Variants in KSR1 observed in about 807,000 individuals in gnomAD.
The protein encoded by KSR1 is kinase suppressor of ras.
In KSR1, 35 loss-of-function variants were observed where a neutral mutation model predicts 92.9. The observed-to-expected ratio is 0.38, with a 90% CI of 0.29 to 0.50. The LOEUF is 0.50. KSR1 is among the 20% of genes least tolerant of loss of function. The pLI, the probability that KSR1 is intolerant of heterozygous loss-of-function variation, is 0.94. For synonymous variants in KSR1, 467 were observed against 472.6 expected, an observed-to-expected ratio of 0.99 and a Z score of 0.15; for missense variants, 972 against 1,158.5, an observed-to-expected ratio of 0.84 and a Z score of 2.34.
At chr17:27,467,968 T>C (rs1486378933) in intron 1 of KSR1, among the ~76,000 whole-genome samples, 1 of 151,988 alleles carries the variant, frequency 6.6e-6, no homozygotes, top group Non-Finnish European at 1.5e-5. Context: ...CCTGCCATTA[T>C]GCCCGGCTAA....
chr17:27,469,626 T>C (rs1370249090), intron 1 of KSR1, among the ~76,000 whole-genome samples: 2 of 152,204 alleles, frequency 1.3e-5, no homozygotes, highest in Non-Finnish European at 2.9e-5. Flanking sequence ...TTTTGGATTC[T>C]TTTGAGAACC....
Position 27,577,371 on chromosome 17 carries a change from C to A in KSR1, c.373-121C>A. ...TCCCCAAGCACGTGGTGGCTCTGGT[C>A]AGAGGCCGGCCCAGCCAGCAGCTGG... is the stretch of plus-strand genomic sequence containing the variant. On this transcript the variant is annotated intron_variant, in intron 2 of 20. Coordinates refer to ENST00000644974, the MANE Select transcript of KSR1 (RefSeq NM_001394583.1). The surrounding 1 kb of genome is among the most constrained non-coding windows in gnomAD (Gnocchi z 4.5). 1.6e-6 allele frequency: 1 copy of A among 637,572 alleles called. No homozygotes were observed. The highest frequency in any genetic ancestry group is 1.9e-5 in the South Asian group (1 of 53,196). 39.5% of individuals were successfully genotyped at this position (637,572 alleles called of 1,614,324 possible).
chr17:27,485,256 G>T (rs1376889378), intron 1 of KSR1, among the ~76,000 whole-genome samples: 1 of 152,214 alleles, frequency 6.6e-6, no homozygotes, highest in African/African-American at 2.4e-5. Flanking sequence ...GGGCTGATGG[G>T]TCACCAGGAC....
chr17:27,500,925 C>G (rs531352864), intron 1 of KSR1, among the ~76,000 whole-genome samples: 1 of 152,290 alleles, frequency 6.6e-6, no homozygotes, highest in East Asian at 1.9e-4. Flanking sequence ...ATGTGAAGCT[C>G]CAGGATGCAG....
intron 5 of KSR1, among the ~76,000 whole-genome samples, chr17:27,588,015 A>G (rs1249461718): frequency 3.9e-5 from 6 of 152,168 alleles, no homozygotes. Flanking sequence ...AAGGCACTGG[A>G]TGGGCTGGCT....
intron 11 of KSR1, chr17:27,602,048 A>C (rs1231836561): frequency 2.4e-6 from 2 of 832,302 alleles, no homozygotes; most frequent in Non-Finnish European, 3.9e-6. Context: ...AAAGTGCTTG[A>C]GATCAGTGCT....
At position 27,605,655 on chromosome 17, in the gene KSR1, C is replaced by G; in HGVS notation, c.1836C>G (p.Gly612=). 6.2e-7 allele frequency: 1 copy of G among 1,612,012 alleles called. No homozygotes were observed. The highest frequency in any genetic ancestry group is 8.5e-7 in the Non-Finnish European group (1 of 1,179,628). ...GGGTGCACCGCGGCCGCTGGCATGGCGAGGTGGCCATTCGCCTGCTGGAGA... is the reference window on the plus strand; with the variant it reads ...GGGTGCACCGCGGCCGCTGGCATGGGGAGGTGGCCATTCGCCTGCTGGAGA... ...WGRVHRGRWH[G]EVAIRLLEMD... Residue 612 remains glycine (G), a synonymous_variant, in exon 14 of 21, where the codon GGC becomes GGG. Transcript: ENST00000644974.
At chr17:27,602,648 T>G (rs1226556450) in intron 11 of KSR1, among the ~76,000 whole-genome samples, 1 of 152,134 alleles carries the variant, frequency 6.6e-6, no homozygotes, top group East Asian at 1.9e-4. Flanking sequence ...CCCTCATGCT[T>G]TAGGTGTGTG....
chr17:27,524,696 A>G (rs1447628231), intron 1 of KSR1, among the ~76,000 whole-genome samples: 1 of 152,244 alleles, frequency 6.6e-6, no homozygotes, highest in Non-Finnish European at 1.5e-5. Flanking sequence ...AGCCAGAGGA[A>G]GTAGGTCAAA....
At chr17:27,583,953 T>C (rs953538215) in intron 4 of KSR1, 6 of 983,976 alleles carry the variant, frequency 6.1e-6, no homozygotes, top group Non-Finnish European at 6.0e-6. Flanking sequence ...AGCAGTTTTG[T>C]GTATGTCTAT....
rs773059086 is a variant in KSR1, at chr17:27,577,040, GT to G, written c.373-445del. 2.0e-5 allele frequency among the ~76,000 whole-genome samples: 2 copies of G among 100,186 alleles called. No homozygotes were observed. The highest frequency in any genetic ancestry group is 7.0e-5 in the African/African-American group (2 of 28,504). 65.7% of individuals were successfully genotyped at this position (100,186 alleles called of 152,430 possible). ...AAGTGCCTCTGCAGTGTTTGGTGAG[GT>G]TTTTTTGTTTTTTTTTTTTAAATCC... On this transcript the variant is annotated intron_variant, in intron 2 of 20. Transcript: ENST00000644974. This position sits in a 1 kb window ranked among gnomAD's most constrained non-coding sequence, Gnocchi z 4.5.
chr17:27,577,943 C>T lies in KSR1; in HGVS notation c.520+304C>T, dbSNP rs1892579704. 2.1e-6 allele frequency: 1 copy of T among 484,018 alleles called. No individual in the cohort carries two copies. The highest frequency in any genetic ancestry group is 3.8e-6 in the Non-Finnish European group (1 of 262,972). The allele number at this position is 484,018 out of a possible 1,614,324, so 30.0% of individuals were successfully genotyped here. On this transcript the variant is annotated intron_variant, in intron 3 of 20. Transcript: ENST00000644974. The surrounding 1 kb of genome is among the most constrained non-coding windows in gnomAD (Gnocchi z 4.5). ...CTCTCTGTTGAGGGCTCTGTGTACC[C>T]TCTGCCAGCTTCCCACATTCCAGCC...
chr17:27,522,768 C>A (rs2070094025), intron 1 of KSR1, among the ~76,000 whole-genome samples: 1 of 152,226 alleles, frequency 6.6e-6, no homozygotes, highest in South Asian at 2.1e-4. Flanking sequence ...CAAGAGGAGA[C>A]ACCATAGATA....
chr17:27,528,822 T>G (rs1597956857), intron 1 of KSR1, among the ~76,000 whole-genome samples: 4 of 152,160 alleles, frequency 2.6e-5, no homozygotes, highest in Non-Finnish European at 4.4e-5. Context: ...GGAGGATTGC[T>G]TGAGCCTGGG....
At chr17:27,534,967 CT>C (rs2070702049) in intron 1 of KSR1, among the ~76,000 whole-genome samples, 1 of 152,176 alleles carries the variant, frequency 6.6e-6, no homozygotes, top group Admixed American at 6.5e-5. Flanking sequence ...ATGGCTGTGG[CT>C]AATCAGTGAC....
At chr17:27,489,566 T>G (rs1294064571) in intron 1 of KSR1, among the ~76,000 whole-genome samples, 1 of 152,224 alleles carries the variant, frequency 6.6e-6, no homozygotes, top group African/African-American at 2.4e-5. Context: ...CCCTGGCTCA[T>G]TCTTCCATCC....
At chr17:27,554,271 C>G (rs2071508791) in intron 2 of KSR1, among the ~76,000 whole-genome samples, 1 of 152,150 alleles carries the variant, frequency 6.6e-6, no homozygotes, top group African/African-American at 2.4e-5. Context: ...TAAATAACTC[C>G]CATGTGCTTA....
intron 1 of KSR1, among the ~76,000 whole-genome samples, chr17:27,494,769 G>T (rs564061722): frequency 6.6e-6 from 1 of 152,224 alleles, no homozygotes; most frequent in Non-Finnish European, 1.5e-5. Flanking sequence ...CATTGACGTC[G>T]TGAGAATGAA....
chr17:27,599,649 A>G (rs901453540), intron 10 of KSR1, among the ~76,000 whole-genome samples: 1 of 152,234 alleles, frequency 6.6e-6, no homozygotes, highest in African/African-American at 2.4e-5. Context: ...CTTTATAAAC[A>G]CTAAACACTT....
Sources: gnomAD v4.1 joint callset for allele counts (sites outside exome capture counted in the v4.1 genomes callset) on GRCh38, gnomAD v4.1.1 for gene constraint, Gnocchi (gnomAD v3.1) non-coding constraint, MANE v1.5 for transcripts, NCBI Gene and HGNC (gene_info 2026-07-23, HGNC 2026-07-21) for gene names.